Variants in MVP observed in about 807,000 individuals in gnomAD.
The protein encoded by MVP is major vault protein.
Under a neutral mutation model 83.5 loss-of-function variants are expected in MVP, and 62 were observed. That is an observed-to-expected ratio of 0.74 (90% CI 0.61 to 0.92). The LOEUF (loss-of-function observed/expected upper bound fraction) is 0.92, where lower values mean the gene tolerates loss of function less well. Ranked by LOEUF, MVP falls within the 40% of genes least tolerant of loss-of-function variation. The pLI, the probability that MVP is intolerant of heterozygous loss-of-function variation, is 0.00. For synonymous variants in MVP, 505 were observed against 504.1 expected, an observed-to-expected ratio of 1.00 and a Z score of -0.02; for missense variants, 1,000 against 1,203.4, an observed-to-expected ratio of 0.83 and a Z score of 2.50.
intron 3 of MVP, among the ~76,000 whole-genome samples, chr16:29,832,206 A>AGT (rs2067448718): frequency 6.6e-6 from 1 of 151,846 alleles, no homozygotes; most frequent in Non-Finnish European, 1.5e-5. Flanking sequence ...TGGGGGAAGA[A>AGT]GTGTGTGTGT....
At position 29,834,054 on chromosome 16, in the gene MVP, G is replaced by A; in HGVS notation, c.565G>A (p.Glu189Lys). Residue 189 changes from glutamate to lysine, a missense_variant, in exon 5 of 15, where the codon GAG becomes AAG. Physicochemically the swap from Glu to Lys is moderately conservative, Grantham distance 56. Coordinates refer to ENST00000357402, the MANE Select transcript of MVP (RefSeq NM_005115.5). ...RKECWDRDGK[E>K]RVTGEEWLVT... The stretch of plus-strand genomic sequence containing the variant: ...GGAGTGCTGGGACCGGGACGGCAAG[G>A]AGAGGGTGACAGGTGGGGTCACCAA... 1 of 1,613,744 alleles carries A rather than the reference G, an allele frequency of 6.2e-7. No homozygotes were observed.
rs533301446 is a variant in MVP, at chr16:29,844,541, C to T, written c.1683C>T (p.Leu561=). 1.1e-4 allele frequency: 170 copies of T among 1,582,088 alleles called. 4 individuals are homozygous for T. The South Asian group carries it at 1.7e-3, about 16-fold the overall frequency. The change falls in exon 11 of 15, where the codon CTC becomes CTT. Residue 561 remains leucine, a synonymous_variant. Coordinates refer to ENST00000357402, the MANE Select transcript of MVP (RefSeq NM_005115.5). ...AGGACCCCCAAGAGACGGCCAAGCT[C>T]TTTTCAGTGCCAGACTTTGTAGGTG... ...DRKDPQETAK[L]FSVPDFVGDA... is the part of the protein sequence containing the mutation.
Position 29,847,202 on chromosome 16 carries a change from T to G in MVP, c.2271T>G (p.Ala757=), listed in dbSNP as rs2067592433. The change falls in exon 14 of 15, where the codon GCT becomes GCG. Residue 757 remains alanine (A), a synonymous_variant. Coordinates refer to ENST00000357402, the MANE Select transcript of MVP (RefSeq NM_005115.5). ...ATTGATTTTTCCTCTTCCAGGAGGCTGAGCTCCAGAGGGTCCAGAAGGTCC... is the reference window on the plus strand; with the variant it reads ...ATTGATTTTTCCTCTTCCAGGAGGCGGAGCTCCAGAGGGTCCAGAAGGTCC... ...KAQALAIETE[A]ELQRVQKVRE... The G allele has an allele frequency of 6.2e-7, 1 of 1,613,214 alleles. No individual in the cohort carries two copies. Among genetic ancestry groups the G allele is most frequent in the South Asian group, 1.1e-5 (1 of 91,070 alleles).
chr16:29,841,535 T>G lies in MVP; in HGVS notation c.1192-61T>G. 2.6e-6 allele frequency: 4 copies of G among 1,518,252 alleles called. No individual in the cohort carries two copies. In the South Asian group the frequency reaches 5.3e-5, roughly 20 times the overall value. 94.0% of individuals were successfully genotyped at this position (1,518,252 alleles called of 1,614,324 possible). ...TGGATGGGCTCTGCTTTGGGACAGC[T>G]GGGCGGATCTTCCTCCCTTCCACCC... On this transcript the variant is annotated intron_variant, in intron 8 of 14. Transcript: ENST00000357402. This position sits in a 1 kb window ranked among gnomAD's most constrained non-coding sequence, Gnocchi z 4.7.
In MVP at chr16:29,847,917, G is replaced by A; in HGVS notation, c.2610G>A (p.Glu870=). The change falls in exon 15 of 15, where the codon GAG becomes GAA. Residue 870 remains glutamate, a synonymous_variant. Coordinates refer to ENST00000357402, the MANE Select transcript of MVP (RefSeq NM_005115.5). The part of the protein sequence containing the change: ...RRVASGPSPG[E]GISPQSAQAP... Reference sequence around the variant, plus strand: ...TGGCCAGTGGGCCCAGCCCTGGGGAGGGGATATCCCCCCAGTCTGCTCAGG... The same window carrying A: ...TGGCCAGTGGGCCCAGCCCTGGGGAAGGGATATCCCCCCAGTCTGCTCAGG... 6.2e-7 allele frequency: 1 copy of A among 1,613,704 alleles called. No homozygotes were observed. Among genetic ancestry groups the A allele is most frequent in the Non-Finnish European group, 8.5e-7 (1 of 1,179,820 alleles).
chr16:29,825,739 A>G (rs2067400559), intron 1 of MVP, among the ~76,000 whole-genome samples: 1 of 152,216 alleles, frequency 6.6e-6, no homozygotes, highest in African/African-American at 2.4e-5. Context: ...CTGGGGCGGC[A>G]GATGGTGGAG....
chr16:29,834,391 C>A, intron 5 of MVP: 1 of 348,840 alleles, frequency 2.9e-6, no homozygotes, highest in Non-Finnish European at 5.6e-6. Flanking sequence ...CAAATGTAGG[C>A]CAATAGGTAC....
intron 1 of MVP, among the ~76,000 whole-genome samples, chr16:29,827,045 G>A (rs1425398340): frequency 6.6e-6 from 1 of 151,994 alleles, no homozygotes; most frequent in East Asian, 1.9e-4. Context: ...TCAAAGGTGA[G>A]CAGGACAGGG....
At chr16:29,842,239 C>G in intron 10 of MVP, 127 bp downstream of exon 10, 1 of 931,610 alleles carries the variant, frequency 1.1e-6, no homozygotes, top group Non-Finnish European at 1.6e-6. Flanking sequence ...CCACTATACT[C>G]CAGCCTGGGT....
chr16:29,826,689 G>A (rs948550833), intron 1 of MVP, among the ~76,000 whole-genome samples: 5 of 150,664 alleles, frequency 3.3e-5, no homozygotes, highest in African/African-American at 4.9e-5. Context: ...TTGGGAGGCC[G>A]AGGCGGGTGG....
chr16:29,838,609 C>T (rs1259087631), intron 7 of MVP, among the ~76,000 whole-genome samples: 1 of 152,066 alleles, frequency 6.6e-6, no homozygotes, highest in African/African-American at 2.4e-5. Context: ...AGGAGGATTG[C>T]TTGAAGCCAG....
intron 14 of MVP, 132 bp downstream of exon 14, chr16:29,847,517 G>C: frequency 3.2e-6 from 3 of 942,544 alleles, no homozygotes; most frequent in Non-Finnish European, 4.7e-6. Context: ...CACGATGCAG[G>C]GACATTCACA....
At chr16:29,843,554 G>GGGAGGGAGGGAGGGAGGA (rs1567395353) in intron 10 of MVP, among the ~76,000 whole-genome samples, 2 of 19,478 alleles carry the variant, frequency 1.0e-4, no homozygotes, top group East Asian at 4.3e-3. Flanking sequence ...GGAAGGGAGG[G>GGGAGGGAGGGAGGGAGGA]AGGGAGGGAG....
rs1026113435 is a variant in MVP, at chr16:29,847,919, G to A, written c.2612G>A (p.Gly871Glu). The change falls in exon 15 of 15, where the codon GGG becomes GAG. Residue 871 changes from glycine to glutamate, a missense_variant. Coordinates refer to ENST00000357402, the MANE Select transcript of MVP (RefSeq NM_005115.5). Reference sequence around the variant, plus strand: ...GCCAGTGGGCCCAGCCCTGGGGAGGGGATATCCCCCCAGTCTGCTCAGGCC... The same window carrying A: ...GCCAGTGGGCCCAGCCCTGGGGAGGAGATATCCCCCCAGTCTGCTCAGGCC... ...RVASGPSPGE[G>E]ISPQSAQAPQ... 1 of 1,613,702 alleles carries A rather than the reference G, an allele frequency of 6.2e-7. No homozygotes were observed. The highest frequency in any genetic ancestry group is 1.1e-5 in the South Asian group (1 of 91,076).
chr16:29,832,794 G>A (rs2067455030), intron 3 of MVP, among the ~76,000 whole-genome samples: 1 of 151,856 alleles, frequency 6.6e-6, no homozygotes, highest in Admixed American at 6.6e-5. Context: ...GCCGGGCACA[G>A]TGGCTCACGC....
At chr16:29,839,176 G>A (rs2067512442) in intron 7 of MVP, among the ~76,000 whole-genome samples, 1 of 152,068 alleles carries the variant, frequency 6.6e-6, no homozygotes, top group Non-Finnish European at 1.5e-5. Flanking sequence ...CTGCTGAGCC[G>A]AGACTCCATC....
At chr16:29,829,300 C>A (rs2067424828) in intron 1 of MVP, among the ~76,000 whole-genome samples, 1 of 149,772 alleles carries the variant, frequency 6.7e-6, no homozygotes, top group Non-Finnish European at 1.5e-5. Flanking sequence ...GCCTAGGCAA[C>A]ATAATGAGAC....
chr16:29,842,211 C>A, intron 10 of MVP, 99 bp downstream of exon 10: 1 of 1,229,792 alleles, frequency 8.1e-7, no homozygotes, highest in Non-Finnish European at 1.1e-6. Flanking sequence ...GTCCAGGCTG[C>A]AGTGAGCCTT....
At chr16:29,831,545 C>T in intron 3 of MVP, 1 of 452,738 alleles carries the variant, frequency 2.2e-6, no homozygotes, top group Non-Finnish European at 4.4e-6. Flanking sequence ...AATTGACTCA[C>T]TGTACCTCCA....
Sources: allele counts gnomAD v4.1 joint callset (sites outside exome capture counted in the v4.1 genomes callset), GRCh38; gene constraint gnomAD v4.1.1; non-coding constraint Gnocchi (gnomAD v3.1); transcripts MANE v1.5; gene names NCBI Gene and HGNC (gene_info 2026-07-23, HGNC 2026-07-21).